TIAM2: variants seen among roughly 807,000 people sequenced by gnomAD.
TIAM2 encodes the protein TIAM Rac1 associated GEF 2, also known as rho guanine nucleotide exchange factor TIAM2.
TIAM2 carries 80 observed loss-of-function variants against 152.9 expected under a neutral mutation model. The ratio of observed to expected loss-of-function variants is 0.52; its 90% CI spans 0.44 to 0.63. The LOEUF is 0.63. Among genes scored for constraint, TIAM2 ranks in the 30% least tolerant of loss-of-function variants. TIAM2 has a pLI of 0.00. For missense variants in TIAM2, 1,965 were observed against 2,120.1 expected, an observed-to-expected ratio of 0.93 and a Z score of 1.44; for synonymous variants, 804 against 838.0, an observed-to-expected ratio of 0.96 and a Z score of 0.70.
At chr6:155,064,449 A>T (rs1284518537) in intron 1 of TIAM2, among the ~76,000 whole-genome samples, 1 of 152,164 alleles carries the variant, frequency 6.6e-6, no homozygotes, top group Non-Finnish European at 1.5e-5. Flanking sequence ...CCTATGCCTT[A>T]ATTGTGAATT....
intron 1 of TIAM2, among the ~76,000 whole-genome samples, chr6:155,076,128 G>A (rs1292591501): frequency 6.6e-6 from 1 of 152,162 alleles, no homozygotes; most frequent in African/African-American, 2.4e-5. Flanking sequence ...GCGGTGTCAT[G>A]TTGGTGCTCA....
At chr6:155,244,977 G>A (rs1026797291) in intron 18 of TIAM2, 194 bp downstream of exon 18, 9 of 638,096 alleles carry the variant, frequency 1.4e-5, no homozygotes, top group Admixed American at 3.9e-5. Flanking sequence ...TTTTCCTGGC[G>A]CAGGTGCTTT....
intron 1 of TIAM2, among the ~76,000 whole-genome samples, chr6:155,032,525 T>G (rs1184216737): frequency 6.6e-6 from 1 of 152,040 alleles, no homozygotes; most frequent in East Asian, 1.9e-4. Flanking sequence ...CCAACCCTCT[T>G]TAGGCTGCAG....
intron 1 of TIAM2, among the ~76,000 whole-genome samples, chr6:155,047,647 G>A (rs1328303673): frequency 6.7e-6 from 1 of 148,206 alleles, no homozygotes; most frequent in African/African-American, 2.5e-5. Context: ...GGCAGGGGTG[G>A]GGGGAGAGAG....
intron 2 of TIAM2, among the ~76,000 whole-genome samples, chr6:155,091,584 A>G (rs942485657): frequency 6.6e-6 from 1 of 152,220 alleles, no homozygotes; most frequent in Non-Finnish European, 1.5e-5. Flanking sequence ...ATTAGATTAG[A>G]TGCAAACAGG....
chr6:155,211,077 A>G, intron 14 of TIAM2, 127 bp from the exon 15 acceptor site: 1 of 650,386 alleles, frequency 1.5e-6, no homozygotes, highest in East Asian at 3.0e-5. Context: ...AGTGTCATTC[A>G]GGACTGCTCT....
chr6:155,095,637 G>A (rs1007663673), intron 2 of TIAM2, among the ~76,000 whole-genome samples: 2 of 152,180 alleles, frequency 1.3e-5, no homozygotes, highest in African/African-American at 4.8e-5. Flanking sequence ...TCAGGATGCT[G>A]TAGGAGATTC....
chr6:155,004,710 T>G (rs994342421), intron 1 of TIAM2: 4 of 152,282 alleles, frequency 2.6e-5, no homozygotes, highest in Non-Finnish European at 5.9e-5. Context: ...TACCATCTTT[T>G]TTTCCAAGTC....
At chr6:155,004,098 A>G (rs1224468739) in intron 1 of TIAM2, among the ~76,000 whole-genome samples, 1 of 152,076 alleles carries the variant, frequency 6.6e-6, no homozygotes, top group East Asian at 1.9e-4. Context: ...GCTGTCCTGA[A>G]CTCCTGACCT....
chr6:155,011,527 A>C (rs1333718890), intron 1 of TIAM2, among the ~76,000 whole-genome samples: 1 of 152,244 alleles, frequency 6.6e-6, no homozygotes, highest in African/African-American at 2.4e-5. Flanking sequence ...GCTTGTCTCA[A>C]TGCACACTTC....
In TIAM2 at chr6:155,257,704, TA is replaced by T; in HGVS notation, c.*587del. On this transcript the variant is annotated 3_prime_UTR_variant, in exon 27 of 27. Transcript: ENST00000682666. Reference sequence around the variant, plus strand: ...TTATTTTCTCTGCCAAGCTGTATAGTAAAAGGAAAATAAGTCACATCTGGTC... The same window carrying T: ...TTATTTTCTCTGCCAAGCTGTATAGTAAAGGAAAATAAGTCACATCTGGTC... 9.1e-7 allele frequency: 1 copy of T among 1,102,016 alleles called. No individual in the cohort carries two copies. 68.3% of individuals were successfully genotyped at this position (1,102,016 alleles called of 1,614,324 possible).
intron 4 of TIAM2, among the ~76,000 whole-genome samples, chr6:155,131,046 C>T (rs1380047729): frequency 6.6e-6 from 1 of 152,238 alleles, no homozygotes; most frequent in Non-Finnish European, 1.5e-5. Flanking sequence ...CTCTTCCATG[C>T]ACTCCACAGG....
chr6:155,244,967 T>G, intron 18 of TIAM2, 184 bp downstream of exon 18: 1 of 730,008 alleles, frequency 1.4e-6, no homozygotes, highest in Non-Finnish European at 2.0e-6. Context: ...ATATATTTTT[T>G]TTTCCTGGCG....
At chr6:155,180,128 A>G (rs1217009588) in intron 12 of TIAM2, among the ~76,000 whole-genome samples, 1 of 152,054 alleles carries the variant, frequency 6.6e-6, no homozygotes, top group East Asian at 1.9e-4. Context: ...AAAAATACAA[A>G]ATTAGCCAAG....
At chr6:155,148,045 C>A (rs542102175) in intron 6 of TIAM2, 65 bp from the exon 7 acceptor site, 4 of 1,538,696 alleles carry the variant, frequency 2.6e-6, no homozygotes, top group Admixed American at 3.4e-5. Flanking sequence ...GCCCAGCCTG[C>A]CATTTTGGAG....
intron 1 of TIAM2, among the ~76,000 whole-genome samples, chr6:155,044,890 T>C (rs1777131933): frequency 6.6e-6 from 1 of 152,126 alleles, no homozygotes; most frequent in Admixed American, 6.5e-5. Flanking sequence ...TAACTTTGTG[T>C]TTTGCTCTCT....
At chr6:155,198,666 C>CAAAAAAAAAAAAAAAA (rs10626644) in intron 14 of TIAM2, among the ~76,000 whole-genome samples, 2 of 70,318 alleles carry the variant, frequency 2.8e-5, no homozygotes, top group Middle Eastern at 7.2e-3. Context: ...GAGCAAATCT[C>CAAAAAAAAAAAAAAAA]AAAAAAAAAA....
At chr6:154,997,456 C>T (rs1022904588) in intron 1 of TIAM2, among the ~76,000 whole-genome samples, 6 of 151,886 alleles carry the variant, frequency 4.0e-5, no homozygotes, top group Non-Finnish European at 7.4e-5. Context: ...GCCTCTAGTG[C>T]GCTCCTCTCC....
rs1562325009 is a variant in TIAM2 at position 155,127,578 on chromosome 6, T to C, written c.-29T>C. The C allele has an allele frequency of 1.3e-5, 6 of 455,898 alleles. No homozygotes were observed. 28.2% of individuals were successfully genotyped at this position (455,898 alleles called of 1,614,324 possible). A position where few individuals can be genotyped will look rare whatever the true frequency, so the allele number is the denominator to read the frequency against. On this transcript the variant is annotated 5_prime_UTR_variant, in exon 3 of 27. Transcript: ENST00000682666. The stretch of plus-strand genomic sequence containing the variant: ...AAAGCCTACTGACCACTAACCTCCC[T>C]CACAGCAGAAACTAGACGTCAGGTA...
Sources: gnomAD v4.1 joint callset for allele counts (sites outside exome capture counted in the v4.1 genomes callset) on GRCh38, gnomAD v4.1.1 for gene constraint, MANE v1.5 for transcripts, NCBI Gene and HGNC (gene_info 2026-07-23, HGNC 2026-07-21) for gene names.